The following EXOC4 variants were observed in gnomAD, a reference collection of about 807,000 sequenced individuals.
EXOC4 encodes SEC8-like 1.
A neutral mutation model predicts 107.2 loss-of-function variants in EXOC4; 71 were observed. That is an observed-to-expected ratio of 0.66 (90% CI 0.55 to 0.81). The LOEUF (loss-of-function observed/expected upper bound fraction) is 0.81. EXOC4 is among the 30% of genes least tolerant of loss of function. The pLI is 0.00. For missense variants in EXOC4, 1,108 were observed against 1,189.6 expected (o/e 0.93, Z 1.01); for synonymous variants, 456 against 441.2 (o/e 1.03, Z -0.42).
intron 1 of EXOC4, among the ~76,000 whole-genome samples, chr7:133,256,927 G>A (rs899120156): frequency 1.6e-4 from 24 of 152,126 alleles, no homozygotes; most frequent in African/African-American, 5.6e-4. Flanking sequence ...AAACTTTAAA[G>A]CATTTAAAAG....
intron 1 of EXOC4, among the ~76,000 whole-genome samples, chr7:133,258,648 T>C (rs1193441362): frequency 2.0e-5 from 3 of 152,196 alleles, no homozygotes; most frequent in Non-Finnish European, 4.4e-5. Context: ...AAGAAGATTC[T>C]TTTGATATTA....
In EXOC4 at chr7:133,533,892, A is replaced by G. The variant is rs142500462; in HGVS notation, c.1417+53754A>G. On this transcript the variant is annotated intron_variant, in intron 9 of 17. Coordinates refer to ENST00000253861, the MANE Select transcript of EXOC4 (RefSeq NM_021807.4). ...AATCTAATGATTTGTCCTTGATGGT[A>G]TGGGAGTAGCTGGTGAGAAAAAGGA... Among the ~76,000 whole-genome samples, 46 of 152,232 alleles carry G rather than the reference A, an allele frequency of 3.0e-4. 1 individual carries two copies. Among genetic ancestry groups the G allele is most frequent in the African/African-American group, 1.1e-3 (46 of 41,558 alleles).
intron 5 of EXOC4, among the ~76,000 whole-genome samples, chr7:133,349,633 C>G (rs928656727): frequency 2.0e-5 from 3 of 152,054 alleles, no homozygotes; most frequent in African/African-American, 7.2e-5. Context: ...GTGTACTCTT[C>G]AAGACCCTGA....
At chr7:133,656,007 A>C (rs1469380309) in intron 10 of EXOC4, among the ~76,000 whole-genome samples, 1 of 152,112 alleles carries the variant, frequency 6.6e-6, no homozygotes, top group African/African-American at 2.4e-5. Flanking sequence ...TTGTGCTGTG[A>C]CCTTAGCATG....
intron 9 of EXOC4, among the ~76,000 whole-genome samples, chr7:133,587,569 A>G (rs1054916142): frequency 6.6e-6 from 1 of 152,224 alleles, no homozygotes; most frequent in Non-Finnish European, 1.5e-5. Context: ...AGGTGTTTGC[A>G]TGTCAGATTG....
chr7:133,913,535 A>G (rs13228262), intron 12 of EXOC4, among the ~76,000 whole-genome samples: 71,016 of 152,038 alleles, frequency 0.47, 17,895 homozygotes, highest in African/African-American at 0.65. Context: ...TTAAGGAGAT[A>G]GAATTGGCAG....
intron 10 of EXOC4, among the ~76,000 whole-genome samples, chr7:133,671,550 G>A (rs1442649462): frequency 1.3e-5 from 2 of 152,128 alleles, no homozygotes; most frequent in African/African-American, 4.8e-5. Context: ...CTGGGCGATA[G>A]AGCAAGACTC....
chr7:133,856,538 C>G (rs1288708286), intron 11 of EXOC4, among the ~76,000 whole-genome samples: 1 of 151,994 alleles, frequency 6.6e-6, no homozygotes, highest in Non-Finnish European at 1.5e-5. Flanking sequence ...AGTGGAGTAT[C>G]CAACATGTAG....
In EXOC4 at chr7:133,857,248, T is replaced by C. The variant is rs1002856018; in HGVS notation, c.1735-38351T>C. ...TGGATGATTGTCTTAGTGTCACATA[T>C]ATATATATATATATATATATATATA... On this transcript the variant is annotated intron_variant, in intron 11 of 17. Coordinates refer to ENST00000253861, the MANE Select transcript of EXOC4 (RefSeq NM_021807.4). Among the ~76,000 whole-genome samples, 151 of 27,354 alleles carry C rather than the reference T, an allele frequency of 5.5e-3. 31 individuals carry two copies. Among genetic ancestry groups the C allele is most frequent in the South Asian group, 0.038 (29 of 760 alleles). 17.9% of individuals were successfully genotyped at this position (27,354 alleles called of 152,430 possible).
intron 14 of EXOC4, among the ~76,000 whole-genome samples, chr7:133,941,826 T>TCC (rs1046050845): frequency 6.7e-6 from 1 of 149,820 alleles, no homozygotes; most frequent in Admixed American, 6.6e-5. Flanking sequence ...ACAGATTCTC[T>TCC]CTCTCTCTCT....
chr7:133,697,420 A>G (rs1191466865), intron 10 of EXOC4, among the ~76,000 whole-genome samples: 1 of 152,112 alleles, frequency 6.6e-6, no homozygotes, highest in Non-Finnish European at 1.5e-5. Flanking sequence ...TTTTCCATTG[A>G]GCATTGAAGG....
At chr7:133,975,858 TAACTC>T (rs1449704220) in intron 14 of EXOC4, among the ~76,000 whole-genome samples, 3 of 152,020 alleles carry the variant, frequency 2.0e-5, no homozygotes, top group Admixed American at 6.6e-5. Context: ...TAGAGTAAAA[TAACTC>T]AAACAAGGAC....
chr7:133,648,678 A>G (rs1250276033), intron 10 of EXOC4, among the ~76,000 whole-genome samples: 3 of 152,166 alleles, frequency 2.0e-5, no homozygotes, highest in Admixed American at 6.5e-5. Context: ...GAGTAGATAC[A>G]TTTATATATT....
chr7:133,535,448 ATC>A (rs1413866915), intron 9 of EXOC4, among the ~76,000 whole-genome samples: 1 of 152,176 alleles, frequency 6.6e-6, no homozygotes, highest in African/African-American at 2.4e-5. Flanking sequence ...TTACAATCCT[ATC>A]TGAATGACCA....
At chr7:133,960,835 C>T (rs1434970978) in intron 14 of EXOC4, among the ~76,000 whole-genome samples, 2 of 152,178 alleles carry the variant, frequency 1.3e-5, no homozygotes, top group African/African-American at 4.8e-5. Flanking sequence ...TAGTCAGCTG[C>T]AATGACAAGC....
At chr7:133,274,820 G>A (rs1000090155) in intron 1 of EXOC4, among the ~76,000 whole-genome samples, 162 bp from the exon 2 acceptor site, 1 of 152,222 alleles carries the variant, frequency 6.6e-6, no homozygotes, top group Non-Finnish European at 1.5e-5. Context: ...GAAATTTACT[G>A]TGAAGGAAGT....
At chr7:133,261,997 A>G (rs1224857384) in intron 1 of EXOC4, among the ~76,000 whole-genome samples, 1 of 152,052 alleles carries the variant, frequency 6.6e-6, no homozygotes, top group Admixed American at 6.5e-5. Context: ...TCCCATCTCC[A>G]TTACTGCCCT....
At chr7:133,385,303 T>C (rs1276320509) in intron 7 of EXOC4, among the ~76,000 whole-genome samples, 1 of 152,212 alleles carries the variant, frequency 6.6e-6, no homozygotes, top group African/African-American at 2.4e-5. Context: ...TATTTTTTTC[T>C]GCCACTTCGT....
intron 7 of EXOC4, among the ~76,000 whole-genome samples, chr7:133,429,105 CAA>C (rs2150771987): frequency 6.6e-6 from 1 of 152,010 alleles, no homozygotes; most frequent in South Asian, 2.1e-4. Flanking sequence ...GTTGGAAGAA[CAA>C]TGATGAAGGA....
Sources: gnomAD v4.1 joint callset for allele counts (sites outside exome capture counted in the v4.1 genomes callset) on GRCh38, gnomAD v4.1.1 for gene constraint, MANE v1.5 for transcripts, NCBI Gene and HGNC (gene_info 2026-07-23, HGNC 2026-07-21) for gene names.